The following CDCA7 variants were observed in gnomAD, a reference collection of about 807,000 sequenced individuals.
CDCA7 encodes cell division cycle associated 7.
In CDCA7, 28 loss-of-function variants were observed where a neutral mutation model predicts 54.0. That is an observed-to-expected ratio of 0.52 (90% CI 0.38 to 0.71). CDCA7 has a LOEUF of 0.71. Ranked by LOEUF, CDCA7 falls within the 30% of genes least tolerant of loss-of-function variation. The pLI is 0.00. For synonymous variants in CDCA7, 180 were observed against 208.2 expected (o/e 0.86, Z 1.16); for missense variants, 484 against 586.0 (o/e 0.83, Z 1.80).
intron 6 of CDCA7, 144 bp from the exon 7 acceptor site, chr2:173,365,306 ATT>A: frequency 8.3e-6 from 8 of 967,330 alleles, no homozygotes; most frequent in Non-Finnish European, 1.2e-5. Context: ...GTGTGAAGAA[ATT>A]ACAAGTCAAG....
At position 173,368,077 on chromosome 2, in the gene CDCA7, C is replaced by A. The variant is rs972483884; in HGVS notation, c.*413C>A. The A allele has an allele frequency of 5.7e-6, 1 of 175,170 alleles. No homozygotes were observed. The highest frequency in any genetic ancestry group is 1.2e-5 in the Non-Finnish European group (1 of 82,370). The allele number at this position is 175,170 out of a possible 1,614,324, so 10.9% of individuals were successfully genotyped here. On this transcript the variant is annotated 3_prime_UTR_variant, in exon 10 of 10. Transcript: ENST00000306721. ...AGATCTATTGAATTTCAGAGAAGAG[C>A]CTTCTAACTTGTTTACACAAAAACG...
chr2:173,364,840 A>C lies in CDCA7; in HGVS notation c.745A>C (p.Arg249=), dbSNP rs146148251. The C allele has an allele frequency of 1.1e-3, 1,741 of 1,611,396 alleles. 2 individuals are homozygous for C. The highest frequency in any genetic ancestry group is 1.4e-3 in the Non-Finnish European group (1,699 of 1,179,156). The part of the protein sequence containing the change: ...RRRTFPGVAS[R]RNPERRARPL... ...GCGTACATTCCCGGGTGTTGCTTCC[A>C]GGAGAAACCCTGAACGGAGAGCTCG... is the stretch of plus-strand genomic sequence containing the variant. The change falls in exon 6 of 10, where the codon AGG becomes CGG. Residue 249 remains arginine, a synonymous_variant. Coordinates refer to ENST00000306721, the MANE Select transcript of CDCA7 (RefSeq NM_031942.5).
rs369867435 is a variant in CDCA7, at chr2:173,358,199, CA to C, written c.22-496del. On this transcript the variant is annotated intron_variant, in intron 1 of 9. Transcript: ENST00000306721. ...TGGGCGACACAGCGAGACTCCGTCT[CA>C]AAAAAAAAAAAAAAAAGAATTTGAC... is the stretch of plus-strand genomic sequence containing the variant. Among the ~76,000 whole-genome samples, 330 of 107,230 alleles carry C rather than the reference CA, an allele frequency of 3.1e-3. 1 individual carries two copies. Among genetic ancestry groups the C allele is most frequent in the African/African-American group, 7.5e-3 (190 of 25,500 alleles). The allele number at this position is 107,230 out of a possible 152,430, so 70.3% of individuals were successfully genotyped here. A position where few individuals can be genotyped will look rare whatever the true frequency, so the allele number is the denominator to read the frequency against.
chr2:173,360,828 T>C (rs1686606346), intron 3 of CDCA7, among the ~76,000 whole-genome samples: 1 of 151,764 alleles, frequency 6.6e-6, no homozygotes, highest in South Asian at 2.1e-4. Context: ...AATTCTGGGA[T>C]TTATGGGTGA....
rs1454432273 is a variant in CDCA7 at position 173,354,872 on chromosome 2, G to T, written c.-92G>T. 2.5e-6 allele frequency: 3 copies of T among 1,196,700 alleles called. No individual in the cohort carries two copies. The highest frequency in any genetic ancestry group is 3.2e-6 in the Non-Finnish European group (3 of 935,384). 74.1% of individuals were successfully genotyped at this position (1,196,700 alleles called of 1,614,324 possible). A position where few individuals can be genotyped will look rare whatever the true frequency, so the allele number is the denominator to read the frequency against. On this transcript the variant is annotated 5_prime_UTR_variant, in exon 1 of 10. Transcript: ENST00000306721. ...TCGGCGCGCCCAGCCTGCCAGCCGCGCTGCTGCTGCTCCTCCTGCTGTGGG... is the reference window on the plus strand; with the variant it reads ...TCGGCGCGCCCAGCCTGCCAGCCGCTCTGCTGCTGCTCCTCCTGCTGTGGG...
At position 173,366,459 on chromosome 2, in the gene CDCA7, G is replaced by T. The variant is rs1686722454; in HGVS notation, c.1185+27G>T. 5 of 1,610,624 alleles carry T rather than the reference G, an allele frequency of 3.1e-6. No individual in the cohort carries two copies. The highest frequency in any genetic ancestry group is 4.2e-6 in the Non-Finnish European group (5 of 1,177,752). ...TAGGTGCCTGCCAGGGGTTGGTCCT[G>T]TGGGCTTGAAGGTCAGCCACAAACT... On this transcript the variant is annotated intron_variant, in intron 8 of 9. Transcript: ENST00000306721. The surrounding 1 kb of genome is among the most constrained non-coding windows in gnomAD (Gnocchi z 4.5).
Position 173,366,300 on chromosome 2 carries a change from A to G in CDCA7, c.1053A>G (p.Gln351=), listed in dbSNP as rs754345077. ...ATTTGTAGGGCTCTACTTGTCATCA[A>G]TGCCGTCAGAAGACTATTGATACCA... ...YNRSLGSTCH[Q]CRQKTIDTKT... is the part of the protein sequence containing the mutation. Residue 351 remains glutamine, a synonymous_variant, in exon 8 of 10, where the codon CAA becomes CAG. Coordinates refer to ENST00000306721, the MANE Select transcript of CDCA7 (RefSeq NM_031942.5). The surrounding 1 kb of genome is among the most constrained non-coding windows in gnomAD (Gnocchi z 4.5). The G allele has an allele frequency of 2.5e-6, 4 of 1,613,374 alleles. No individual in the cohort carries two copies. The highest frequency in any genetic ancestry group is 1.7e-6 in the Non-Finnish European group (2 of 1,179,690).
intron 3 of CDCA7, among the ~76,000 whole-genome samples, chr2:173,361,699 A>G (rs1291304278): frequency 6.6e-6 from 1 of 152,006 alleles, no homozygotes; most frequent in African/African-American, 2.4e-5. Flanking sequence ...TGATCTGCCC[A>G]TCTCAGCCTC....
At position 173,367,774 on chromosome 2, in the gene CDCA7, T is replaced by C. The variant is rs1686751161; in HGVS notation, c.*110T>C. 3 of 1,129,586 alleles carry C rather than the reference T, an allele frequency of 2.7e-6. No homozygotes were observed. Among genetic ancestry groups the C allele is most frequent in the Non-Finnish European group, 4.0e-6 (3 of 742,926 alleles). The allele number at this position is 1,129,586 out of a possible 1,614,324, so 70.0% of individuals were successfully genotyped here. A position where few individuals can be genotyped will look rare whatever the true frequency, so the allele number is the denominator to read the frequency against. On this transcript the variant is annotated 3_prime_UTR_variant, in exon 10 of 10. Transcript: ENST00000306721. ...AAATCTTGATGATCAGCCTGTTTCA[T>C]AAGAAACTCCAATCAAGTTAATCTT...
At chr2:173,363,948 C>A in intron 5 of CDCA7, 53 bp downstream of exon 5, 2 of 1,475,482 alleles carry the variant, frequency 1.4e-6, no homozygotes, top group South Asian at 1.2e-5. Flanking sequence ...CACCTAAGGT[C>A]GATCTGTGTT....
intron 5 of CDCA7, chr2:173,364,122 T>C (rs893185600): frequency 2.4e-6 from 1 of 416,094 alleles, no homozygotes. Flanking sequence ...TGATTGGTTC[T>C]TTCTTTCCTT....
chr2:173,363,202 T>A, intron 3 of CDCA7, 24 bp from the exon 4 acceptor site: 1 of 1,609,506 alleles, frequency 6.2e-7, no homozygotes, highest in Non-Finnish European at 8.5e-7. Context: ...GATCAAGTCC[T>A]AATGACTCAA....
At chr2:173,364,022 A>G in intron 5 of CDCA7, 127 bp downstream of exon 5, 1 of 798,586 alleles carries the variant, frequency 1.3e-6, no homozygotes, top group Middle Eastern at 2.7e-4. Context: ...GACCTAGAGG[A>G]AACCCCCTGA....
chr2:173,366,551 T>C lies in CDCA7; in HGVS notation c.1185+119T>C. On this transcript the variant is annotated intron_variant, in intron 8 of 9. Transcript: ENST00000306721. The surrounding 1 kb of genome is among the most constrained non-coding windows in gnomAD (Gnocchi z 4.5). ...CTTTCTGTTATGGGGTGCTCTTCTT[T>C]TTTTTTAAGATGGAGTCTCATTCTG... is the stretch of plus-strand genomic sequence containing the variant. 3.7e-6 allele frequency: 5 copies of C among 1,343,870 alleles called. No individual in the cohort carries two copies. The highest frequency in any genetic ancestry group is 2.0e-4 in the Middle Eastern group (1 of 4,986). 83.2% of individuals were successfully genotyped at this position (1,343,870 alleles called of 1,614,324 possible).
rs753545956 is a variant in CDCA7 at position 173,358,851 on chromosome 2, G to A, written c.147+14G>A. ...TTTGCAAACACGGTAAGTGCTGCCT[G>A]AGAATAAACAGAATTGAGTCTGCAG... is the stretch of plus-strand genomic sequence containing the variant. On this transcript the variant is annotated intron_variant, in intron 2 of 9. Transcript: ENST00000306721. 1.2e-6 allele frequency: 2 copies of A among 1,608,186 alleles called. No individual in the cohort carries two copies. Among genetic ancestry groups the A allele is most frequent in the Non-Finnish European group, 8.5e-7 (1 of 1,176,600 alleles).
At position 173,366,718 on chromosome 2, in the gene CDCA7, T is replaced by C. The variant is rs796173135; in HGVS notation, c.1185+286T>C. On this transcript the variant is annotated intron_variant, in intron 8 of 9. Coordinates refer to ENST00000306721, the MANE Select transcript of CDCA7 (RefSeq NM_031942.5). This position sits in a 1 kb window ranked among gnomAD's most constrained non-coding sequence, Gnocchi z 4.5. The stretch of plus-strand genomic sequence containing the variant: ...CACACCTAGCTAATTTTTGTATTTT[T>C]AGTAGAGACGGGGTTTCACCACATT... Among the ~76,000 whole-genome samples the C allele has an allele frequency of 3.3e-5, 5 of 152,272 alleles. No individual in the cohort carries two copies. Among genetic ancestry groups the C allele is most frequent in the South Asian group, 2.1e-4 (1 of 4,824 alleles).
In CDCA7 at chr2:173,358,725, G is replaced by A. The variant is rs1164191011; in HGVS notation, c.35G>A (p.Arg12Lys). The A allele has an allele frequency of 1.2e-6, 2 of 1,613,660 alleles. No homozygotes were observed. The highest frequency in any genetic ancestry group is 1.7e-6 in the Non-Finnish European group (2 of 1,179,782). Residue 12 changes from arginine to lysine, a missense_variant, in exon 2 of 10, where the codon AGA (arginine) becomes AAA (lysine). Arg to Lys is a conservative substitution (Grantham distance 26). Around this residue, in one of 3 missense-constraint regions of CDCA7, gnomAD observed 398 missense variants for 447.4 expected, o/e 0.89. Coordinates refer to ENST00000306721, the MANE Select transcript of CDCA7 (RefSeq NM_031942.5). ...TTCCATTTGCAGCAGAAAGATCTCA[G>A]AGTAAAGAAGAACTTAAAGAAATTC... ...DARRVPQKDL[R>K]VKKNLKKFRY...
At position 173,359,357 on chromosome 2, in the gene CDCA7, G is replaced by A. The variant is rs1249247470; in HGVS notation, c.250G>A (p.Asp84Asn). 6.8e-6 allele frequency: 11 copies of A among 1,614,204 alleles called. No individual in the cohort carries two copies. Among genetic ancestry groups the A allele is most frequent in the Non-Finnish European group, 9.3e-6 (11 of 1,180,036 alleles). ...FCGFSESEVQDVLDHCGFLQK... is the reference protein window; with the variant it reads ...FCGFSESEVQNVLDHCGFLQK... The stretch of plus-strand genomic sequence containing the variant: ...CGGCTTTTCAGAAAGTGAGGTGCAA[G>A]ATGTATTAGACCATTGTGGATTTTT... Residue 84 changes from aspartate (D) to asparagine (N), a missense_variant, in exon 3 of 10, where the codon GAT becomes AAT. Physicochemically the swap from Asp to Asn is conservative, Grantham distance 23. Coordinates refer to ENST00000306721, the MANE Select transcript of CDCA7 (RefSeq NM_031942.5).
At position 173,363,310 on chromosome 2, in the gene CDCA7, G is replaced by A. The variant is rs1442754476; in HGVS notation, c.469G>A (p.Ala157Thr). The A allele has an allele frequency of 5.6e-6, 9 of 1,614,070 alleles. No individual in the cohort carries two copies. The highest frequency in any genetic ancestry group is 6.8e-6 in the Non-Finnish European group (8 of 1,180,036). Residue 157 changes from alanine to threonine, a missense_variant, in exon 4 of 10, where the codon GCG becomes ACG. Physicochemically the swap from Ala to Thr is moderately conservative, Grantham distance 58 (BLOSUM62 0). Transcript: ENST00000306721. ...TCTCAGGGTGGCGATGAAGTTTCCA[G>A]CGCGGAGTACCAGGGGAGCAACCAA... The part of the protein sequence containing the change: ...GPLRVAMKFP[A>T]RSTRGATNKK...
Sources: allele counts gnomAD v4.1 joint callset (sites outside exome capture counted in the v4.1 genomes callset), GRCh38; gene constraint gnomAD v4.1.1; regional missense constraint gnomAD v4.1.1; non-coding constraint Gnocchi (gnomAD v3.1); transcripts MANE v1.5; gene names NCBI Gene and HGNC (gene_info 2026-07-23, HGNC 2026-07-21).